The following BSCL2 variants were observed in gnomAD, a reference collection of about 807,000 sequenced individuals.
The protein encoded by BSCL2 is BSCL2 lipid droplet biogenesis associated, seipin.
BSCL2 carries 41 observed loss-of-function variants against 57.4 expected under a neutral mutation model. The observed-to-expected ratio is 0.71, with a 90% CI of 0.56 to 0.93. The LOEUF is 0.93. BSCL2 is among the 40% of genes least tolerant of loss of function. The pLI is 0.00. For missense variants in BSCL2, 539 were observed against 586.7 expected (o/e 0.92, Z 0.84); for synonymous variants, 237 against 227.3 (o/e 1.04, Z -0.38).
chr11:62,704,700 T>C (rs1233054997), intron 2 of BSCL2, among the ~76,000 whole-genome samples: 1 of 149,812 alleles, frequency 6.7e-6, no homozygotes, highest in Admixed American at 6.6e-5. Context: ...GAGCAGACAC[T>C]GCACCACTGC....
In BSCL2 at chr11:62,690,892, C is replaced by G. The variant is rs199846874; in HGVS notation, c.1073-25G>C. 7.1e-5 allele frequency: 115 copies of G among 1,612,278 alleles called. 1 individual carries two copies. In the African/African-American group the frequency reaches 1.3e-3, roughly 18 times the overall value. On this transcript the variant is annotated intron_variant, in intron 8 of 10. Transcript: ENST00000360796. ...CCTGCACCTCCAAAGAGGGAGAGGA[C>G]AGGTTAGGGTTAGGGTGGCTGTGCC...
chr11:62,707,037 C>A, intron 1 of BSCL2, 72 bp downstream of exon 1: 2 of 1,320,298 alleles, frequency 1.5e-6, no homozygotes, highest in South Asian at 1.3e-5. Context: ...CCAATCCATC[C>A]CCCCGCCCCC....
At position 62,706,255 on chromosome 11, in the gene BSCL2, T is replaced by C. The variant is rs544356542; in HGVS notation, c.88-638A>G. The C allele has an allele frequency of 2.7e-6, 3 of 1,091,426 alleles. No individual in the cohort carries two copies. In the East Asian group the frequency reaches 3.0e-4, roughly 110 times the overall value. The allele number at this position is 1,091,426 out of a possible 1,614,324, so 67.6% of individuals were successfully genotyped here. The stretch of plus-strand genomic sequence containing the variant: ...CGCCGGCTGCCACAGGGCTGCCGAC[T>C]CACCAGCCTCGCGCGCTGCCAGGGC... On this transcript the variant is annotated intron_variant, in intron 1 of 10. Transcript: ENST00000360796.
Position 62,707,110 on chromosome 11 carries a change from T to C in BSCL2, c.86A>G (p.Glu29Gly). 1 of 1,552,992 alleles carries C rather than the reference T, an allele frequency of 6.4e-7. No homozygotes were observed. Among genetic ancestry groups the C allele is most frequent in the East Asian group, 2.4e-5 (1 of 41,344 alleles). The stretch of plus-strand genomic sequence containing the variant: ...GACTGTCCCCACAAGGGCCCCTACC[T>C]CCTCTTTGTCCGGTCCTTTGATCTG... ...GDQIKGPDKE[E>G]EPPAAASHGQ... Residue 29 changes from glutamate to glycine, a missense_variant and splice_region_variant, in exon 1 of 11, where the codon GAG becomes GGG. Coordinates refer to ENST00000360796, the MANE Select transcript of BSCL2 (RefSeq NM_001122955.4).
At chr11:62,706,440 T>C in intron 1 of BSCL2, 1 of 452,850 alleles carries the variant, frequency 2.2e-6, no homozygotes. Context: ...GGTCGCTGTC[T>C]CCTTGCGCTC....
At chr11:62,694,510 C>T in intron 4 of BSCL2, 58 bp downstream of exon 4, 2 of 1,612,526 alleles carry the variant, frequency 1.2e-6, no homozygotes, top group East Asian at 4.5e-5. Context: ...CAGCCCCCTA[C>T]CCATTCTGAT....
chr11:62,707,671 A>C (rs142457418), upstream of BSCL2: 9,100 of 414,796 alleles, frequency 0.022, 142 homozygotes, highest in Middle Eastern at 0.03. Flanking sequence ...GGATCTGAGC[A>C]GCTCCTTCTA....
At chr11:62,708,334 T>C (rs1389661611), upstream of BSCL2, 2 of 1,613,812 alleles carry the variant, frequency 1.2e-6, no homozygotes, top group Admixed American at 1.7e-5. Context: ...CTATGAGTAT[T>C]GGGCAAGCAC....
chr11:62,696,102 C>T lies in BSCL2; in HGVS notation c.487-1391G>A, dbSNP rs188901676. 3.5e-4 allele frequency among the ~76,000 whole-genome samples: 54 copies of T among 152,222 alleles called. 1 individual carries two copies. Among genetic ancestry groups the T allele is most frequent in the African/African-American group, 1.1e-3 (47 of 41,536 alleles). On this transcript the variant is annotated intron_variant, in intron 3 of 10. Coordinates refer to ENST00000360796, the MANE Select transcript of BSCL2 (RefSeq NM_001122955.4). ...CAGAGAGCTGCTTGAACCCGAGAGG[C>T]GGAGGTTGCAGTGAGCTGAGATCGT... is the stretch of plus-strand genomic sequence containing the variant.
intron 3 of BSCL2, among the ~76,000 whole-genome samples, chr11:62,700,350 A>G (rs1945600806): frequency 6.6e-6 from 1 of 152,158 alleles, no homozygotes; most frequent in Non-Finnish European, 1.5e-5. Flanking sequence ...CTTTTGAAAA[A>G]TAACTTCAGG....
At chr11:62,702,299 CA>C (rs937634963) in intron 3 of BSCL2, among the ~76,000 whole-genome samples, 168 bp downstream of exon 3, 2 of 152,196 alleles carry the variant, frequency 1.3e-5, no homozygotes, top group Non-Finnish European at 2.9e-5. Flanking sequence ...CTCCCAACCT[CA>C]GGTGATCTGC....
intron 1 of BSCL2, chr11:62,706,187 C>T (rs922003672): frequency 2.9e-6 from 3 of 1,041,202 alleles, no homozygotes; most frequent in African/African-American, 1.7e-5. Flanking sequence ...GTGGGCAAAG[C>T]GCCCGGAGCC....
chr11:62,693,231 C>T (rs867591973), intron 4 of BSCL2, among the ~76,000 whole-genome samples: 2 of 152,204 alleles, frequency 1.3e-5, no homozygotes, highest in Non-Finnish European at 2.9e-5. Context: ...AGGCCAGGTG[C>T]GGTGGCTCAC....
At chr11:62,703,291 T>C (rs1241923614) in intron 2 of BSCL2, among the ~76,000 whole-genome samples, 2 of 150,988 alleles carry the variant, frequency 1.3e-5, no homozygotes, top group Non-Finnish European at 2.9e-5. Flanking sequence ...CCTCCAATTG[T>C]AGGCAAATTT....
chr11:62,708,848 C>T (rs2083586227), upstream of BSCL2: 1 of 1,490,682 alleles, frequency 6.7e-7, no homozygotes, highest in African/African-American at 1.4e-5. Flanking sequence ...TTTCCCTCTC[C>T]TGGGCCCTTC....
chr11:62,705,850 A>T (rs1261596760), intron 1 of BSCL2: 1 of 539,254 alleles, frequency 1.9e-6, no homozygotes, highest in Non-Finnish European at 3.3e-6. Context: ...TTCCTTCTCC[A>T]GTCATTTGAT....
chr11:62,690,946 C>T (rs954968717), intron 8 of BSCL2, 79 bp from the exon 9 acceptor site: 23 of 1,578,108 alleles, frequency 1.5e-5, no homozygotes, highest in South Asian at 8.9e-5. Context: ...TCACCTTCCT[C>T]GCCTTTCCTT....
intron 1 of BSCL2, chr11:62,706,418 C>T (rs1413546116): frequency 5.0e-6 from 3 of 598,746 alleles, no homozygotes; most frequent in South Asian, 1.9e-5. Flanking sequence ...GCGGAGCCTT[C>T]CCGAGCTGCG....
chr11:62,698,100 G>T (rs571888411), intron 3 of BSCL2, among the ~76,000 whole-genome samples: 1 of 151,992 alleles, frequency 6.6e-6, no homozygotes, highest in Non-Finnish European at 1.5e-5. Flanking sequence ...GTAGAGACAG[G>T]GTTTCACCGT....
Sources: allele counts gnomAD v4.1 joint callset (sites outside exome capture counted in the v4.1 genomes callset), GRCh38; gene constraint gnomAD v4.1.1; transcripts MANE v1.5; gene names NCBI Gene and HGNC (gene_info 2026-07-23, HGNC 2026-07-21).